Variants in LRRC42 observed in about 807,000 individuals in gnomAD.
The protein encoded by LRRC42 is leucine-rich repeat-containing protein 42.
LRRC42 carries 43 observed loss-of-function variants against 44.3 expected under a neutral mutation model. The observed-to-expected ratio is 0.97, with a 90% CI of 0.76 to 1.25. LRRC42 has a LOEUF of 1.25. Ranked by LOEUF, LRRC42 falls within the 50% of genes most tolerant of loss-of-function variation. The probability of loss-of-function intolerance (pLI) is 0.00; values close to 1 mark genes in which losing one functional copy is unlikely to be tolerated. For synonymous variants in LRRC42, 207 were observed against 195.2 expected, an observed-to-expected ratio of 1.06 and a Z score of -0.50; for missense variants, 540 against 509.1, an observed-to-expected ratio of 1.06 and a Z score of -0.58.
intron 4 of LRRC42, among the ~76,000 whole-genome samples, chr1:53,958,832 C>G (rs1368677422): frequency 6.6e-6 from 1 of 152,054 alleles, no homozygotes; most frequent in Non-Finnish European, 1.5e-5. Flanking sequence ...GTGATCCTCC[C>G]GCCTCAGCCT....
intron 3 of LRRC42, among the ~76,000 whole-genome samples, 198 bp from the exon 4 acceptor site, chr1:53,957,951 A>C (rs568178122): frequency 3.1e-4 from 47 of 152,158 alleles, no homozygotes; most frequent in African/African-American, 1.1e-3. Context: ...TTATTCTACC[A>C]TCACATAAAA....
rs186115257 is a variant in LRRC42 at position 53,965,295 on chromosome 1, T to G, written c.928-1001T>G. Among the ~76,000 whole-genome samples the G allele has an allele frequency of 5.9e-4, 89 of 151,360 alleles. No homozygotes were observed. The South Asian group carries it at 6.1e-3, about 10-fold the overall frequency. On this transcript the variant is annotated intron_variant, in intron 7 of 8. Transcript: ENST00000371370. ...CTACTGAGCCTGGCCTGGAACTGTA[T>G]TCTTAAACTCTGTGTTGGGCTGCCT... is the stretch of plus-strand genomic sequence containing the variant.
chr1:53,958,379 TTA>T (rs1337006705), intron 4 of LRRC42, 99 bp downstream of exon 4: 12 of 1,462,818 alleles, frequency 8.2e-6, no homozygotes, highest in Non-Finnish European at 1.0e-5. Context: ...CTTCCCATTC[TTA>T]TGTTGATTTG....
chr1:53,950,724 C>T (rs1460708286), intron 2 of LRRC42, among the ~76,000 whole-genome samples: 1 of 152,180 alleles, frequency 6.6e-6, no homozygotes, highest in Non-Finnish European at 1.5e-5. Context: ...ATTTTGAAAT[C>T]TCATGGTTAC....
chr1:53,960,612 C>A, intron 5 of LRRC42, 138 bp downstream of exon 5: 1 of 655,402 alleles, frequency 1.5e-6, no homozygotes, highest in Non-Finnish European at 2.6e-6. Flanking sequence ...GGTGGCAGAA[C>A]AGGATTGAGG....
At position 53,967,708 on chromosome 1, in the gene LRRC42, G is replaced by A; in HGVS notation, c.1056G>A (p.Leu352=). The A allele has an allele frequency of 6.2e-7, 1 of 1,614,102 alleles. No individual in the cohort carries two copies. Among genetic ancestry groups the A allele is most frequent in the South Asian group, 1.1e-5 (1 of 91,082 alleles). ...SRAEAPLKCP[L]ADTHMNSSEK... is the part of the protein sequence containing the mutation. ...CAGAAGCCCCACTGAAGTGTCCCCTGGCAGACACCCACATGAACTCTTCCG... is the reference window on the plus strand; with the variant it reads ...CAGAAGCCCCACTGAAGTGTCCCCTAGCAGACACCCACATGAACTCTTCCG... Residue 352 remains leucine, a synonymous_variant, in exon 9 of 9, where the codon CTG becomes CTA. Transcript: ENST00000371370.
chr1:53,966,275 A>G (rs1377745210), intron 7 of LRRC42, 21 bp from the exon 8 acceptor site: 2 of 1,594,776 alleles, frequency 1.3e-6, no homozygotes, highest in African/African-American at 1.3e-5. Context: ...TTGGATTCAA[A>G]TCTTTCCAAA....
intron 2 of LRRC42, among the ~76,000 whole-genome samples, chr1:53,949,745 G>C (rs888634756): frequency 6.6e-6 from 1 of 152,138 alleles, no homozygotes; most frequent in Non-Finnish European, 1.5e-5. Context: ...TTTTAGTTTA[G>C]TTGTCTCCCA....
Position 53,952,319 on chromosome 1 carries a change from T to G in LRRC42, c.320T>G (p.Leu107Arg), listed in dbSNP as rs1486578519. 6.2e-7 allele frequency: 1 copy of G among 1,614,132 alleles called. No individual in the cohort carries two copies. The highest frequency in any genetic ancestry group is 1.3e-5 in the African/African-American group (1 of 74,954). ...GACAATGTGGATCACATTGATTCCC[T>G]TATTGGCTTTCCTGAGCAGATTGCT... ...ISDNVDHIDS[L>R]IGFPEQIAEK... The change falls in exon 3 of 9, where the codon CTT (leucine) becomes CGT (arginine). Residue 107 changes from leucine (L) to arginine (R), a missense_variant. By Grantham distance (102) the Leu-to-Arg change is moderately radical. Transcript: ENST00000371370.
At chr1:53,950,593 C>CA (rs781061991) in intron 2 of LRRC42, among the ~76,000 whole-genome samples, 3 of 152,208 alleles carry the variant, frequency 2.0e-5, no homozygotes, top group Non-Finnish European at 4.4e-5. Flanking sequence ...CTCTAAAACT[C>CA]AATCAGATTA....
At chr1:53,951,872 C>A in intron 2 of LRRC42, 114 bp from the exon 3 acceptor site, 2 of 869,354 alleles carry the variant, frequency 2.3e-6, no homozygotes, top group South Asian at 1.8e-5. Flanking sequence ...TTTTCCTAAA[C>A]CAGCCACCAG....
intron 3 of LRRC42, among the ~76,000 whole-genome samples, chr1:53,956,689 C>T (rs1654850341): frequency 1.3e-5 from 2 of 152,184 alleles, no homozygotes; most frequent in African/African-American, 4.8e-5. Flanking sequence ...TAGATTAGCA[C>T]CTAGTAATGT....
At chr1:53,959,085 T>C (rs868242328) in intron 4 of LRRC42, among the ~76,000 whole-genome samples, 3 of 152,312 alleles carry the variant, frequency 2.0e-5, no homozygotes, top group South Asian at 4.2e-4. Flanking sequence ...GGTTTTGCCA[T>C]GTTGGCCAGG....
At chr1:53,964,419 A>G (rs1655074124) in intron 7 of LRRC42, among the ~76,000 whole-genome samples, 1 of 152,056 alleles carries the variant, frequency 6.6e-6, no homozygotes, top group South Asian at 2.1e-4. Context: ...CTCATTCCCA[A>G]GTATCCTCTG....
intron 2 of LRRC42, among the ~76,000 whole-genome samples, chr1:53,948,879 A>T (rs540553353): frequency 6.6e-6 from 1 of 152,320 alleles, no homozygotes; most frequent in South Asian, 2.1e-4. Flanking sequence ...CATGTTACAT[A>T]CCTCATAGAC....
At chr1:53,956,972 G>A (rs963397984) in intron 3 of LRRC42, among the ~76,000 whole-genome samples, 2 of 152,180 alleles carry the variant, frequency 1.3e-5, no homozygotes, top group African/African-American at 4.8e-5. Flanking sequence ...AGGCTCTTTT[G>A]TGTACCCAGC....
chr1:53,966,555 C>T (rs1655133045), intron 8 of LRRC42, among the ~76,000 whole-genome samples, 175 bp downstream of exon 8: 1 of 152,148 alleles, frequency 6.6e-6, no homozygotes, highest in African/African-American at 2.4e-5. Context: ...TAGCTTTGAG[C>T]ACCAGCACCA....
chr1:53,968,054 G>A lies in LRRC42; in HGVS notation c.*115G>A. On this transcript the variant is annotated 3_prime_UTR_variant, in exon 9 of 9. Coordinates refer to ENST00000371370, the MANE Select transcript of LRRC42 (RefSeq NM_001256409.2). Reference sequence around the variant, plus strand: ...ACCTATGGCATTAGCATAGTAAGCAGATATTTCTACTTTTGTGGTGTGGGA... The same window carrying A: ...ACCTATGGCATTAGCATAGTAAGCAAATATTTCTACTTTTGTGGTGTGGGA... 9.0e-7 allele frequency: 1 copy of A among 1,114,724 alleles called. No individual in the cohort carries two copies. The highest frequency in any genetic ancestry group is 1.3e-6 in the Non-Finnish European group (1 of 775,316). 69.1% of individuals were successfully genotyped at this position (1,114,724 alleles called of 1,614,324 possible). A position where few individuals can be genotyped will look rare whatever the true frequency, so the allele number is the denominator to read the frequency against.
At position 53,952,231 on chromosome 1, in the gene LRRC42, CGA is replaced by C. The variant is rs1210520853; in HGVS notation, c.236_237del (p.Glu79GlyfsTer26). 6.8e-6 allele frequency: 11 copies of C among 1,614,244 alleles called. No homozygotes were observed. Among genetic ancestry groups the C allele is most frequent in the East Asian group, 2.2e-5 (1 of 44,892 alleles). ...KTDHFIFTYT[R>X]EGNLRYSAKS... ...TGATCATTTCATCTTCACATACACCCGAGAGGGGAATCTTCGGTACTCCGCCA... is the reference window on the plus strand; with the variant it reads ...TGATCATTTCATCTTCACATACACCCGAGGGGAATCTTCGGTACTCCGCCA... On this transcript the variant is annotated frameshift_variant, in exon 3 of 9. Transcript: ENST00000371370. LOFTEE classifies it high-confidence loss of function.
Sources: gnomAD v4.1 joint callset for allele counts (sites outside exome capture counted in the v4.1 genomes callset) on GRCh38, gnomAD v4.1.1 for gene constraint, MANE v1.5 for transcripts, NCBI Gene and HGNC (gene_info 2026-07-23, HGNC 2026-07-21) for gene names.